CEP128: variants seen among roughly 807,000 people sequenced by gnomAD.
The protein encoded by CEP128 is centrosomal protein 128, also known as centrosomal protein 128kDa.
A neutral mutation model predicts 156.7 loss-of-function variants in CEP128; 132 were observed. The observed-to-expected ratio is 0.84, with a 90% CI of 0.73 to 0.97. CEP128 has a LOEUF of 0.97. Among genes scored for constraint, CEP128 ranks in the 50% least tolerant of loss-of-function variants. The pLI is 0.00. For missense variants in CEP128, 1,252 were observed against 1,281.9 expected (o/e 0.98, Z 0.36); for synonymous variants, 469 against 448.9 (o/e 1.04, Z -0.57).
At chr14:80,805,543 ATAAAC>A (rs1444848083) in intron 13 of CEP128, among the ~76,000 whole-genome samples, 2 of 152,196 alleles carry the variant, frequency 1.3e-5, no homozygotes, top group African/African-American at 2.4e-5. Flanking sequence ...CTTTTATTGA[ATAAAC>A]TAAAGAATTA....
intron 19 of CEP128, among the ~76,000 whole-genome samples, chr14:80,584,054 C>T (rs1449535636): frequency 1.3e-5 from 2 of 151,822 alleles, no homozygotes; most frequent in East Asian, 1.9e-4. Flanking sequence ...TTGCACCCTT[C>T]TTCATACTGA....
chr14:80,928,505 G>A (rs977670792), intron 2 of CEP128, among the ~76,000 whole-genome samples: 5 of 151,960 alleles, frequency 3.3e-5, no homozygotes, highest in East Asian at 1.9e-4. Flanking sequence ...AAAATGCAGC[G>A]AAAAATCTTA....
At chr14:80,656,859 A>C (rs1438973576) in intron 19 of CEP128, among the ~76,000 whole-genome samples, 1 of 152,180 alleles carries the variant, frequency 6.6e-6, no homozygotes, top group African/African-American at 2.4e-5. Context: ...ATCCTGGCCT[A>C]ACCCTAATAT....
chr14:80,664,112 G>A (rs757523038), intron 19 of CEP128, among the ~76,000 whole-genome samples: 8 of 152,054 alleles, frequency 5.3e-5, no homozygotes, highest in Non-Finnish European at 1.0e-4. Flanking sequence ...CTCACATTGC[G>A]GTTCAGCCTA....
chr14:80,843,250 G>C (rs1886430785), intron 9 of CEP128, among the ~76,000 whole-genome samples: 1 of 151,898 alleles, frequency 6.6e-6, no homozygotes, highest in South Asian at 2.1e-4. Context: ...CAGCAAGCTT[G>C]GTTAAGAATG....
At chr14:80,514,613 T>C (rs1888404246) in intron 23 of CEP128, 1 of 317,956 alleles carries the variant, frequency 3.1e-6, no homozygotes, top group Non-Finnish European at 6.4e-6. Flanking sequence ...CTAATAGGAT[T>C]CTAAATTCCT....
At chr14:80,599,795 G>A (rs952083598) in intron 19 of CEP128, among the ~76,000 whole-genome samples, 15 of 152,094 alleles carry the variant, frequency 9.9e-5, no homozygotes, top group Non-Finnish European at 1.9e-4. Context: ...GGAAAAGTAT[G>A]AGAATGATGT....
chr14:80,825,248 G>C (rs1885409871), intron 13 of CEP128, among the ~76,000 whole-genome samples: 2 of 152,164 alleles, frequency 1.3e-5, no homozygotes, highest in African/African-American at 4.8e-5. Context: ...ATTGGTATTA[G>C]AGGCACATGC....
intron 16 of CEP128, among the ~76,000 whole-genome samples, chr14:80,775,784 A>G (rs1900754473): frequency 6.6e-6 from 1 of 152,260 alleles, no homozygotes; most frequent in South Asian, 2.1e-4. Context: ...GTGATAACAC[A>G]TGCATCTGAA....
At chr14:80,588,829 C>A (rs1052494402) in intron 19 of CEP128, among the ~76,000 whole-genome samples, 1 of 152,160 alleles carries the variant, frequency 6.6e-6, no homozygotes, top group East Asian at 1.9e-4. Context: ...GGGACTTTCA[C>A]TAAATTTTAG....
chr14:80,943,971 G>C (rs113969555), upstream of CEP128, among the ~76,000 whole-genome samples: 2 of 149,674 alleles, frequency 1.3e-5, no homozygotes, highest in African/African-American at 4.9e-5. Context: ...TCCAGCCTTG[G>C]TGACAGAGTA....
At chr14:80,800,657 T>C (rs1883788513) in intron 13 of CEP128, among the ~76,000 whole-genome samples, 1 of 152,204 alleles carries the variant, frequency 6.6e-6, no homozygotes, top group African/African-American at 2.4e-5. Flanking sequence ...GCAGAGGTGT[T>C]TCCTAAATGT....
chr14:80,792,832 C>T lies in CEP128; in HGVS notation c.1488G>A (p.Lys496=). The T allele has an allele frequency of 6.2e-7, 1 of 1,614,190 alleles. No homozygotes were observed. The highest frequency in any genetic ancestry group is 1.1e-5 in the South Asian group (1 of 91,084). ...CCAACGCTCGTTCTAACTTCTTATG[C>T]TTAAGCTTCCACTGCCTAATGGATT... The part of the protein sequence containing the change: ...AQESIRQWKL[K]HKKLERALEK... Residue 496 remains lysine, a synonymous_variant, in exon 14 of 25, where the codon AAG becomes AAA. Transcript: ENST00000555265.
chr14:80,726,659 C>T (rs2139493380), intron 19 of CEP128, among the ~76,000 whole-genome samples: 1 of 152,282 alleles, frequency 6.6e-6, no homozygotes, highest in East Asian at 1.9e-4. Flanking sequence ...AAGACAAGTG[C>T]TTGAATCAGC....
chr14:80,796,001 C>T (rs987844786), intron 13 of CEP128, among the ~76,000 whole-genome samples: 2 of 152,130 alleles, frequency 1.3e-5, no homozygotes, highest in Non-Finnish European at 2.9e-5. Flanking sequence ...GCACTTTCCT[C>T]AATCCTACAT....
intron 19 of CEP128, among the ~76,000 whole-genome samples, chr14:80,642,783 T>C (rs1326466829): frequency 1.3e-5 from 2 of 149,708 alleles, no homozygotes; most frequent in African/African-American, 2.5e-5. Context: ...TGAGACAGAG[T>C]CTTGCTCTGT....
At chr14:80,920,378 G>A (rs1413700015) in intron 2 of CEP128, among the ~76,000 whole-genome samples, 2 of 152,186 alleles carry the variant, frequency 1.3e-5, no homozygotes, top group Non-Finnish European at 2.9e-5. Context: ...AGAACCTACA[G>A]TAGAATGCAT....
chr14:80,875,217 A>C (rs1027567974), intron 8 of CEP128, among the ~76,000 whole-genome samples: 2 of 152,230 alleles, frequency 1.3e-5, no homozygotes, highest in Non-Finnish European at 2.9e-5. Context: ...ATACGCAAGT[A>C]GTAAGGGTGA....
At chr14:80,760,246 T>C (rs1417094109) in intron 17 of CEP128, among the ~76,000 whole-genome samples, 1 of 152,000 alleles carries the variant, frequency 6.6e-6, no homozygotes, top group African/African-American at 2.4e-5. Flanking sequence ...AGACTCATAG[T>C]CTTTTCAAAG....
Sources: gnomAD v4.1 joint callset for allele counts (sites outside exome capture counted in the v4.1 genomes callset) on GRCh38, gnomAD v4.1.1 for gene constraint, MANE v1.5 for transcripts, NCBI Gene and HGNC (gene_info 2026-07-23, HGNC 2026-07-21) for gene names.